IDH2: variants seen among roughly 807,000 people sequenced by gnomAD.
The protein encoded by IDH2 is isocitrate dehydrogenase (NADP(+)) 2, also known as isocitrate dehydrogenase [NADP], mitochondrial.
Under a neutral mutation model 50.5 loss-of-function variants are expected in IDH2, and 18 were observed. The observed-to-expected ratio is 0.36, with a 90% confidence interval of 0.25 to 0.53. IDH2 has a LOEUF of 0.53. Ranked by LOEUF, IDH2 falls within the 20% of genes least tolerant of loss-of-function variation. The pLI, the probability that IDH2 is intolerant of heterozygous loss-of-function variation, is 0.92. For missense variants in IDH2, 518 were observed against 610.7 expected, an observed-to-expected ratio of 0.85 and a Z score of 1.60; for synonymous variants, 280 against 239.8, an observed-to-expected ratio of 1.17 and a Z score of -1.55.
chr15:90,094,695 A>T (rs1901134081), intron 1 of IDH2, among the ~76,000 whole-genome samples: 2 of 152,128 alleles, frequency 1.3e-5, no homozygotes, highest in Non-Finnish European at 2.9e-5. Context: ...CACTCAAGGT[A>T]AGGAGTTCAA....
Position 90,088,454 on chromosome 15 carries a change from C to A in IDH2, c.583G>T (p.Val195Phe), listed in dbSNP as rs747087395. Residue 195 changes from valine to phenylalanine, a missense_variant, in exon 5 of 11, where the codon GTC becomes TTC. Physicochemically the swap from Val to Phe is conservative, Grantham distance 50. Coordinates refer to ENST00000330062, the MANE Select transcript of IDH2 (RefSeq NM_002168.4). ...VADRAGTFKM[V>F]FTPKDGSGVK... ...CCACTGCCATCTTTTGGGGTGAAGA[C>A]CATTTTGAAAGTGCCGGCCCGGTCT... is the stretch of plus-strand genomic sequence containing the variant. The A allele has an allele frequency of 1.2e-6, 2 of 1,614,194 alleles. No individual in the cohort carries two copies. The highest frequency in any genetic ancestry group is 1.1e-5 in the South Asian group (1 of 91,090).
rs766605461 is a variant in IDH2 at position 90,102,377 on chromosome 15, A to T, written c.14T>A (p.Leu5Gln). 1 of 1,359,988 alleles carries T rather than the reference A, an allele frequency of 7.4e-7. No individual in the cohort carries two copies. Among genetic ancestry groups the T allele is most frequent in the South Asian group, 1.6e-5 (1 of 61,792 alleles). 84.2% of individuals were successfully genotyped at this position (1,359,988 alleles called of 1,614,324 possible). A position where few individuals can be genotyped will look rare whatever the true frequency, so the allele number is the denominator to read the frequency against. MAGYLRVVRSLCRAS... is the reference protein window; with the variant it reads MAGYQRVVRSLCRAS... ...TCTGCAGAGCGAGCGCACGACCCGC[A>T]GGTAGCCGGCCATCCCAAGCTGGAG... Residue 5 changes from leucine to glutamine, a missense_variant, in exon 1 of 11, where the codon CTG becomes CAG. Transcript: ENST00000330062.
At chr15:90,088,325 G>A (rs1254618695) in intron 5 of IDH2, 34 bp downstream of exon 5, 2 of 1,610,588 alleles carry the variant, frequency 1.2e-6, no homozygotes, top group South Asian at 1.1e-5. Flanking sequence ...CAAGCTGGGA[G>A]AGGAGGGGCC....
chr15:90,086,824 A>G (rs1900870955), intron 7 of IDH2, among the ~76,000 whole-genome samples: 1 of 152,170 alleles, frequency 6.6e-6, no homozygotes, highest in Admixed American at 6.5e-5. Flanking sequence ...CCAAAGAGTC[A>G]TGAGGCTCCA....
Position 90,090,498 on chromosome 15 carries a change from A to G in IDH2, c.354T>C (p.Pro118=), listed in dbSNP as rs1596076020. The G allele has an allele frequency of 1.9e-6, 3 of 1,613,506 alleles. No individual in the cohort carries two copies. The highest frequency in any genetic ancestry group is 2.7e-5 in the African/African-American group (2 of 74,830). Residue 118 remains proline, a synonymous_variant, in exon 3 of 11, where the codon CCT becomes CCC. Coordinates refer to ENST00000330062, the MANE Select transcript of IDH2 (RefSeq NM_002168.4). ...TCGCACCTTCCACACGGGCCTCATC[A>G]GGGGTGATGGTGGCACACTTGACAG... ...SVAVKCATIT[P]DEARVEEFKL...
rs1021771086 is a variant in IDH2 at position 90,098,649 on chromosome 15, A to G, written c.115+3627T>C. 1.4e-5 allele frequency among the ~76,000 whole-genome samples: 2 copies of G among 138,538 alleles called. No individual in the cohort carries two copies. Among genetic ancestry groups the G allele is most frequent in the African/African-American group, 6.0e-5 (2 of 33,134 alleles). The allele number at this position is 138,538 out of a possible 152,430, so 90.9% of individuals were successfully genotyped here. A position where few individuals can be genotyped will look rare whatever the true frequency, so the allele number is the denominator to read the frequency against. ...AAGCTCCACCTCCTGGGTTCAGGCA[A>G]TTCTCCTGCCTCAGCCCCTGAGTAG... is the stretch of plus-strand genomic sequence containing the variant. On this transcript the variant is annotated intron_variant, in intron 1 of 10. Transcript: ENST00000330062. This position sits in a 1 kb window ranked among gnomAD's most constrained non-coding sequence, Gnocchi z 5.1.
rs896284524 is a variant in IDH2, at chr15:90,100,712, C to T, written c.115+1564G>A. ...TCTTTCCTTGTCATCAAGGGGAATG[C>T]CAAGTATTCTGTCTCCAGCTGCGTT... On this transcript the variant is annotated intron_variant, in intron 1 of 10. Transcript: ENST00000330062. The surrounding 1 kb of genome is among the most constrained non-coding windows in gnomAD (Gnocchi z 4.1). The T allele has an allele frequency of 6.5e-6, 6 of 921,906 alleles. No individual in the cohort carries two copies. The African/African-American group carries it at 1.1e-4, about 16-fold the overall frequency. The allele number at this position is 921,906 out of a possible 1,614,324, so 57.1% of individuals were successfully genotyped here.
chr15:90,096,027 T>C (rs1901172229), intron 1 of IDH2, among the ~76,000 whole-genome samples: 1 of 152,256 alleles, frequency 6.6e-6, no homozygotes, highest in Non-Finnish European at 1.5e-5. Flanking sequence ...CTGGGCACCG[T>C]GGCTCATGCC....
intron 1 of IDH2, among the ~76,000 whole-genome samples, 173 bp from the exon 2 acceptor site, chr15:90,091,817 G>T (rs549810330): frequency 6.6e-6 from 1 of 152,190 alleles, no homozygotes; most frequent in African/African-American, 2.4e-5. Flanking sequence ...TAGAGCAGGG[G>T]TCCCCAACTC....
At position 90,100,938 on chromosome 15, in the gene IDH2, C is replaced by G. The variant is rs200392164; in HGVS notation, c.115+1338G>C. ...TGTGTGTTTTTCGGGTTGTTTGTTT[C>G]TTTTTTTTTTTTTTACCATCAAGGC... On this transcript the variant is annotated intron_variant, in intron 1 of 10. Coordinates refer to ENST00000330062, the MANE Select transcript of IDH2 (RefSeq NM_002168.4). The surrounding 1 kb of genome is among the most constrained non-coding windows in gnomAD (Gnocchi z 4.1). 6.9e-6 allele frequency among the ~76,000 whole-genome samples: 1 copy of G among 145,376 alleles called. No homozygotes were observed.
At chr15:90,099,812 G>T (rs150495794) in intron 1 of IDH2, among the ~76,000 whole-genome samples, 1 of 152,060 alleles carries the variant, frequency 6.6e-6, no homozygotes, top group Non-Finnish European at 1.5e-5. Context: ...CTTGCTTACT[G>T]TCTGCCCCCT....
intron 7 of IDH2, among the ~76,000 whole-genome samples, chr15:90,086,054 T>G (rs1230771780): frequency 6.6e-6 from 1 of 152,224 alleles, no homozygotes. Flanking sequence ...CACCATTCCT[T>G]AGACACTTAA....
intron 1 of IDH2, among the ~76,000 whole-genome samples, chr15:90,093,558 C>T (rs944407858): frequency 6.6e-5 from 10 of 152,116 alleles, no homozygotes; most frequent in Middle Eastern, 3.4e-3. Context: ...CCATTTAATC[C>T]CAAAAACAAC....
At chr15:90,090,690 G>C in intron 2 of IDH2, 46 bp from the exon 3 acceptor site, 3 of 1,600,292 alleles carry the variant, frequency 1.9e-6, no homozygotes, top group Non-Finnish European at 2.6e-6. Flanking sequence ...GTGACTCAGG[G>C]ACATGACAAC....
intron 1 of IDH2, among the ~76,000 whole-genome samples, chr15:90,093,124 G>GT (rs939966702): frequency 1.3e-5 from 2 of 152,246 alleles, no homozygotes; most frequent in Non-Finnish European, 2.9e-5. Context: ...CACCAAATCA[G>GT]TAAGAGGTTG....
intron 1 of IDH2, among the ~76,000 whole-genome samples, chr15:90,092,316 C>CAGTTTAG (rs1901059627): frequency 6.6e-6 from 1 of 151,940 alleles, no homozygotes; most frequent in Non-Finnish European, 1.5e-5. Context: ...TGGTTTAGAG[C>CAGTTTAG]ACCTGGATCC....
rs745972340 is a variant in IDH2 at position 90,091,503 on chromosome 15, T to A, written c.207+50A>T. 1.9e-4 allele frequency: 279 copies of A among 1,434,484 alleles called. 1 individual carries two copies. Among genetic ancestry groups the A allele is most frequent in the Non-Finnish European group, 2.7e-4 (270 of 1,016,362 alleles). 88.9% of individuals were successfully genotyped at this position (1,434,484 alleles called of 1,614,324 possible). A position where few individuals can be genotyped will look rare whatever the true frequency, so the allele number is the denominator to read the frequency against. On this transcript the variant is annotated intron_variant, in intron 2 of 10. Coordinates refer to ENST00000330062, the MANE Select transcript of IDH2 (RefSeq NM_002168.4). ...CAGAAGACCCTGTGGGACAGAACAA[T>A]CCCTGGCCAGCCCACCTGGAGAGCC...
intron 2 of IDH2, 107 bp downstream of exon 2, chr15:90,091,446 G>T: frequency 1.3e-6 from 1 of 776,968 alleles, no homozygotes; most frequent in Non-Finnish European, 2.2e-6. Flanking sequence ...CTGCCTACCA[G>T]GACAACGGGG....
chr15:90,095,570 G>A (rs1901162359), intron 1 of IDH2, among the ~76,000 whole-genome samples: 1 of 152,084 alleles, frequency 6.6e-6, no homozygotes, highest in African/African-American at 2.4e-5. Context: ...GGGCTCCACG[G>A]TTGGGCTTCA....
Sources: allele counts gnomAD v4.1 joint callset (sites outside exome capture counted in the v4.1 genomes callset), GRCh38; gene constraint gnomAD v4.1.1; non-coding constraint Gnocchi (gnomAD v3.1); transcripts MANE v1.5; gene names NCBI Gene and HGNC (gene_info 2026-07-23, HGNC 2026-07-21).